Variants in CEP128 observed in about 807,000 individuals in gnomAD.
The protein encoded by CEP128 is centrosomal protein 128.
In CEP128, 132 loss-of-function variants were observed where a neutral mutation model predicts 156.7. The ratio of observed to expected loss-of-function variants is 0.84; its 90% CI spans 0.73 to 0.97. The LOEUF (loss-of-function observed/expected upper bound fraction) is 0.97. Among genes scored for constraint, CEP128 ranks in the 50% least tolerant of loss-of-function variants. The pLI is 0.00. For missense variants in CEP128, 1,252 were observed against 1,281.9 expected, an observed-to-expected ratio of 0.98 and a Z score of 0.36; for synonymous variants, 469 against 448.9, an observed-to-expected ratio of 1.04 and a Z score of -0.57.
chr14:80,861,146 A>T (rs963695201), intron 9 of CEP128, among the ~76,000 whole-genome samples: 1 of 152,024 alleles, frequency 6.6e-6, no homozygotes, highest in East Asian at 1.9e-4. Flanking sequence ...TCATAAAAAA[A>T]TTTTTAAATC....
At chr14:80,777,447 A>G (rs1198814937) in intron 16 of CEP128, among the ~76,000 whole-genome samples, 1 of 152,172 alleles carries the variant, frequency 6.6e-6, no homozygotes, top group African/African-American at 2.4e-5. Flanking sequence ...CAAGAGAAAT[A>G]AATTTCTGTT....
chr14:80,604,618 C>T (rs910656723), intron 19 of CEP128, among the ~76,000 whole-genome samples: 2 of 152,134 alleles, frequency 1.3e-5, no homozygotes, highest in African/African-American at 4.8e-5. Context: ...TTAGCTTTTA[C>T]AAACCATCCC....
chr14:80,911,519 A>G (rs1884214132), intron 4 of CEP128, among the ~76,000 whole-genome samples: 1 of 152,186 alleles, frequency 6.6e-6, no homozygotes, highest in African/African-American at 2.4e-5. Context: ...ATAAGTAAAC[A>G]AATAAAATTT....
chr14:80,903,859 C>T (rs975555045), intron 6 of CEP128, among the ~76,000 whole-genome samples: 2 of 151,948 alleles, frequency 1.3e-5, no homozygotes, highest in Non-Finnish European at 2.9e-5. Context: ...TTGGACATGA[C>T]ATGAAGGAAA....
chr14:80,592,000 T>G (rs1432246662), intron 19 of CEP128, among the ~76,000 whole-genome samples: 1 of 152,026 alleles, frequency 6.6e-6, no homozygotes, highest in Non-Finnish European at 1.5e-5. Context: ...GGGACACAGA[T>G]AAGCAGTGTT....
chr14:80,713,892 G>C (rs576543527), intron 19 of CEP128, among the ~76,000 whole-genome samples: 3 of 152,200 alleles, frequency 2.0e-5, no homozygotes, highest in African/African-American at 7.2e-5. Flanking sequence ...AAAAATCTTG[G>C]TTATTAGAAA....
intron 24 of CEP128, among the ~76,000 whole-genome samples, chr14:80,504,092 A>T (rs1336070714): frequency 6.6e-6 from 1 of 152,196 alleles, no homozygotes. Flanking sequence ...CAAAATTATT[A>T]CCTAAATAAA....
intron 4 of CEP128, among the ~76,000 whole-genome samples, chr14:80,908,226 C>T (rs559882692): frequency 7.9e-5 from 12 of 152,234 alleles, no homozygotes; most frequent in Admixed American, 7.8e-4. Flanking sequence ...TAATAAATTT[C>T]ATATGTTGTA....
At chr14:80,695,759 A>G (rs1407793804) in intron 19 of CEP128, among the ~76,000 whole-genome samples, 1 of 152,048 alleles carries the variant, frequency 6.6e-6, no homozygotes, top group Non-Finnish European at 1.5e-5. Flanking sequence ...GGTAATATCA[A>G]GTAGTTTGGT....
At chr14:80,776,761 C>G (rs1002061540) in intron 16 of CEP128, among the ~76,000 whole-genome samples, 1 of 151,938 alleles carries the variant, frequency 6.6e-6, no homozygotes, top group African/African-American at 2.4e-5. Context: ...ATCCTATTAA[C>G]CATACTTTGA....
chr14:80,686,930 G>C (rs904766841), intron 19 of CEP128, among the ~76,000 whole-genome samples: 8 of 152,082 alleles, frequency 5.3e-5, no homozygotes, highest in African/African-American at 1.9e-4. Context: ...GGAGCACCCA[G>C]ATTCATAAAA....
chr14:80,649,167 G>A (rs889698732), intron 19 of CEP128, among the ~76,000 whole-genome samples: 1 of 152,094 alleles, frequency 6.6e-6, no homozygotes, highest in Non-Finnish European at 1.5e-5. Context: ...CAGGAGTGGG[G>A]AGAAGAAAAT....
At chr14:80,495,527 C>CT (rs202088350), downstream of CEP128, among the ~76,000 whole-genome samples, 55 of 147,686 alleles carry the variant, frequency 3.7e-4, no homozygotes, top group African/African-American at 1.0e-3. Flanking sequence ...GATATAATGG[C>CT]TTTTTTTTTT....
At chr14:80,566,156 A>C (rs1890899113) in intron 20 of CEP128, among the ~76,000 whole-genome samples, 1 of 152,136 alleles carries the variant, frequency 6.6e-6, no homozygotes, top group African/African-American at 2.4e-5. Context: ...TGGAAGAAAA[A>C]TCCACTCAAC....
intron 19 of CEP128, among the ~76,000 whole-genome samples, chr14:80,734,846 C>CAAAAA (rs397798792): frequency 6.4e-5 from 4 of 62,048 alleles, no homozygotes; most frequent in Non-Finnish European, 9.4e-5. Context: ...GACCCCATCT[C>CAAAAA]AAAAAAAAAA....
intron 18 of CEP128, among the ~76,000 whole-genome samples, chr14:80,744,375 T>C (rs1051387668): frequency 2.0e-4 from 30 of 152,210 alleles, no homozygotes; most frequent in African/African-American, 7.2e-4. Flanking sequence ...AAATTATTAA[T>C]ATAAAGTCTC....
chr14:80,617,219 C>CT (rs3069115), intron 19 of CEP128, among the ~76,000 whole-genome samples: 13,399 of 59,396 alleles, frequency 0.23, 3,260 homozygotes, highest in East Asian at 0.38. Flanking sequence ...TGAATATCAT[C>CT]TTTTTTTTTT....
At chr14:80,597,975 A>T (rs1035997810) in intron 19 of CEP128, among the ~76,000 whole-genome samples, 4 of 150,876 alleles carry the variant, frequency 2.7e-5, no homozygotes, top group African/African-American at 9.7e-5. Flanking sequence ...AAAAAACAAA[A>T]CCCTATGGCT....
At chr14:80,499,534 T>C (rs559210243) in intron 24 of CEP128, among the ~76,000 whole-genome samples, 1 of 152,240 alleles carries the variant, frequency 6.6e-6, no homozygotes, top group Non-Finnish European at 1.5e-5. Flanking sequence ...TAACAATTCC[T>C]TCCTTTTGGG....
Sources: allele counts gnomAD v4.1 joint callset (sites outside exome capture counted in the v4.1 genomes callset), GRCh38; gene constraint gnomAD v4.1.1; transcripts MANE v1.5; gene names NCBI Gene and HGNC (gene_info 2026-07-23, HGNC 2026-07-21).